PTPN21: variants seen among roughly 807,000 people sequenced by gnomAD.
PTPN21 encodes the protein protein tyrosine phosphatase non-receptor type 21.
In PTPN21, 77 loss-of-function variants were observed where a neutral mutation model predicts 131.8. That is an observed-to-expected ratio of 0.58 (90% confidence interval 0.49 to 0.71). PTPN21 has a LOEUF of 0.71. Ranked by LOEUF, PTPN21 falls within the 30% of genes least tolerant of loss-of-function variation. PTPN21 has a pLI of 0.00. For missense variants in PTPN21, 1,552 were observed against 1,527.1 expected, an observed-to-expected ratio of 1.02 and a Z score of -0.27; for synonymous variants, 715 against 621.3, an observed-to-expected ratio of 1.15 and a Z score of -2.24.
chr14:88,482,973 A>G (rs1346930200), intron 12 of PTPN21, among the ~76,000 whole-genome samples: 6 of 151,924 alleles, frequency 3.9e-5, no homozygotes, highest in Admixed American at 1.3e-4. Context: ...CCCACTTTGG[A>G]AGGCCAAGGC....
intron 12 of PTPN21, among the ~76,000 whole-genome samples, chr14:88,482,301 T>C (rs74072480): frequency 0.037 from 5,614 of 152,158 alleles, 343 homozygotes; most frequent in African/African-American, 0.13. Context: ...GGGAATATTG[T>C]GTGGAGTCTC....
intron 3 of PTPN21, among the ~76,000 whole-genome samples, chr14:88,516,356 C>T (rs983646280): frequency 3.9e-5 from 6 of 152,040 alleles, no homozygotes; most frequent in African/African-American, 1.2e-4. Flanking sequence ...CAGCATGTTT[C>T]GGGCCCTTGA....
rs1405943282 is a variant in PTPN21 at position 88,467,364 on chromosome 14, T to C, written c.*773A>G. The stretch of plus-strand genomic sequence containing the variant: ...CAAATTCATTTAGATCTATGAATAA[T>C]ACTGAAAAAATAATGCTTATTCTCT... On this transcript the variant is annotated 3_prime_UTR_variant, in exon 19 of 19. Transcript: ENST00000556564. 1.3e-5 allele frequency: 2 copies of C among 152,226 alleles called. No individual in the cohort carries two copies. Among genetic ancestry groups the C allele is most frequent in the African/African-American group, 2.4e-5 (1 of 41,458 alleles). The allele number at this position is 152,226 out of a possible 1,614,324, so 9.4% of individuals were successfully genotyped here. A position where few individuals can be genotyped will look rare whatever the true frequency, so the allele number is the denominator to read the frequency against.
At chr14:88,491,798 T>A (rs2077828309) in intron 10 of PTPN21, among the ~76,000 whole-genome samples, 1 of 152,170 alleles carries the variant, frequency 6.6e-6, no homozygotes, top group Non-Finnish European at 1.5e-5. Flanking sequence ...AAAGCAAACT[T>A]TGGAAAACAG....
intron 14 of PTPN21, among the ~76,000 whole-genome samples, chr14:88,473,075 A>C (rs996618546): frequency 2.0e-5 from 3 of 152,190 alleles, no homozygotes; most frequent in Non-Finnish European, 4.4e-5. Context: ...GGGAACAGTA[A>C]GTAAATCTAG....
At chr14:88,475,216 G>T (rs1160669887) in intron 13 of PTPN21, among the ~76,000 whole-genome samples, 1 of 152,142 alleles carries the variant, frequency 6.6e-6, no homozygotes, top group African/African-American at 2.4e-5. Flanking sequence ...TGTTATTCCA[G>T]CTCTCTCAGC....
chr14:88,550,066 G>A (rs998409780), intron 2 of PTPN21, among the ~76,000 whole-genome samples, 172 bp downstream of exon 2: 1 of 152,044 alleles, frequency 6.6e-6, no homozygotes, highest in Non-Finnish European at 1.5e-5. Context: ...TTACAGGTGT[G>A]AGCCACTGCG....
intron 2 of PTPN21, among the ~76,000 whole-genome samples, chr14:88,542,824 C>A (rs1477514831): frequency 6.6e-6 from 1 of 152,144 alleles, no homozygotes; most frequent in African/African-American, 2.4e-5. Context: ...GAGAGGCCAA[C>A]CAACCTAACA....
chr14:88,507,371 T>C (rs2078107192), intron 4 of PTPN21, among the ~76,000 whole-genome samples: 1 of 152,194 alleles, frequency 6.6e-6, no homozygotes, highest in South Asian at 2.1e-4. Flanking sequence ...CATCAGAGTA[T>C]ACTTACACAA....
chr14:88,534,550 A>G (rs1331603428), intron 2 of PTPN21, among the ~76,000 whole-genome samples: 5 of 152,208 alleles, frequency 3.3e-5, no homozygotes, highest in Non-Finnish European at 5.9e-5. Flanking sequence ...AAGTTTGTAA[A>G]GCAAAAACGT....
Position 88,472,277 on chromosome 14 carries a change from G to A in PTPN21, c.2838C>T (p.Asn946=), listed in dbSNP as rs752030657. The A allele has an allele frequency of 6.2e-7, 1 of 1,613,242 alleles. No homozygotes were observed. The highest frequency in any genetic ancestry group is 8.5e-7 in the Non-Finnish European group (1 of 1,179,240). Reference sequence around the variant, plus strand: ...GTGATGCGTTGATGTAACCAGTGTTGTTTTCTTTAGTTGGGACCAACTCCA... The same window carrying A: ...GTGATGCGTTGATGTAACCAGTGTTATTTTCTTTAGTTGGGACCAACTCCA... ...VRVELVPTKE[N]NTGYINASHI... The change falls in exon 15 of 19, where the codon AAC becomes AAT. Residue 946 remains asparagine (N), a synonymous_variant. Transcript: ENST00000556564.
Position 88,497,707 on chromosome 14 carries a change from A to G in PTPN21, c.765-417T>C, listed in dbSNP as rs762090146. 5.0e-4 allele frequency among the ~76,000 whole-genome samples: 76 copies of G among 152,094 alleles called. 2 individuals carry two copies. Among genetic ancestry groups the G allele is most frequent in the Non-Finnish European group, 2.9e-4 (20 of 67,990 alleles). On this transcript the variant is annotated intron_variant, in intron 8 of 18. Coordinates refer to ENST00000556564, the MANE Select transcript of PTPN21 (RefSeq NM_007039.4). Reference sequence around the variant, plus strand: ...GGCGGGAGAATGGTGTGAACCCGGGAGGCAGAGCTTGCAGTGAGCCGAGAT... The same window carrying G: ...GGCGGGAGAATGGTGTGAACCCGGGGGGCAGAGCTTGCAGTGAGCCGAGAT...
intron 2 of PTPN21, among the ~76,000 whole-genome samples, chr14:88,517,551 C>G (rs536973530): frequency 1.1e-4 from 16 of 151,072 alleles, no homozygotes; most frequent in South Asian, 2.1e-4. Context: ...AATGTAGTGG[C>G]GGCTACTCAA....
intron 10 of PTPN21, among the ~76,000 whole-genome samples, chr14:88,492,395 T>C (rs532454322): frequency 1.6e-4 from 25 of 152,300 alleles, no homozygotes; most frequent in African/African-American, 5.1e-4. Context: ...AACACTTTCA[T>C]ATGCAAATAC....
In PTPN21 at chr14:88,499,177, C is replaced by T. The variant is rs535465512; in HGVS notation, c.764+1606G>A. 2.1e-3 allele frequency among the ~76,000 whole-genome samples: 327 copies of T among 152,186 alleles called. 4 individuals are homozygous for T. The highest frequency in any genetic ancestry group is 7.5e-3 in the African/African-American group (310 of 41,514). The stretch of plus-strand genomic sequence containing the variant: ...AGGGTTAATATAAGTGGCTTGGGGA[C>T]GAGAGAGCAACTGCCAAAGGGGAGC... On this transcript the variant is annotated intron_variant, in intron 8 of 18. Coordinates refer to ENST00000556564, the MANE Select transcript of PTPN21 (RefSeq NM_007039.4).
chr14:88,552,146 C>G (rs999996452), intron 1 of PTPN21: 1 of 152,328 alleles, frequency 6.6e-6, no homozygotes, highest in East Asian at 1.9e-4. Flanking sequence ...AGAGAAGCGG[C>G]TTTCGCAGTT....
chr14:88,546,474 G>C (rs2078782751), intron 2 of PTPN21, among the ~76,000 whole-genome samples: 1 of 151,438 alleles, frequency 6.6e-6, no homozygotes, highest in Non-Finnish European at 1.5e-5. Flanking sequence ...TACTGGGGAG[G>C]CTAAGGCAGG....
At chr14:88,503,816 T>C (rs1201725891) in intron 6 of PTPN21, 1 of 152,202 alleles carries the variant, frequency 6.6e-6, no homozygotes, top group Non-Finnish European at 1.5e-5. Context: ...TATGTGGAAC[T>C]GTGTGGTAGT....
At chr14:88,492,608 C>T (rs1428121268) in intron 10 of PTPN21, among the ~76,000 whole-genome samples, 1 of 152,146 alleles carries the variant, frequency 6.6e-6, no homozygotes, top group Non-Finnish European at 1.5e-5. Flanking sequence ...TGGGCATCCC[C>T]GCATGTTATC....
Sources: allele counts gnomAD v4.1 joint callset (sites outside exome capture counted in the v4.1 genomes callset), GRCh38; gene constraint gnomAD v4.1.1; transcripts MANE v1.5; gene names NCBI Gene and HGNC (gene_info 2026-07-23, HGNC 2026-07-21).